Variants in GNAQ observed in about 807,000 individuals in gnomAD.
The protein encoded by GNAQ is guanine nucleotide-binding protein G(q) subunit alpha.
GNAQ carries 8 observed loss-of-function variants against 43.9 expected under a neutral mutation model. The observed-to-expected ratio is 0.18, with a 90% CI of 0.11 to 0.33. GNAQ has a LOEUF of 0.33. GNAQ is among the 10% of genes least tolerant of loss of function. The probability of loss-of-function intolerance (pLI) is 1.00; values close to 1 mark genes in which losing one functional copy is unlikely to be tolerated. For missense variants in GNAQ, 158 were observed against 450.8 expected, an observed-to-expected ratio of 0.35 and a Z score of 5.88; for synonymous variants, 155 against 170.7, an observed-to-expected ratio of 0.91 and a Z score of 0.71.
chr9:77,982,674 T>C (rs1823382324), intron 1 of GNAQ, among the ~76,000 whole-genome samples: 1 of 150,800 alleles, frequency 6.6e-6, no homozygotes, highest in East Asian at 2.0e-4. Flanking sequence ...TGCACAGTAG[T>C]GAAAGATGCA....
At chr9:77,968,847 T>C (rs1347924268) in intron 1 of GNAQ, among the ~76,000 whole-genome samples, 1 of 152,184 alleles carries the variant, frequency 6.6e-6, no homozygotes, top group African/African-American at 2.4e-5. Context: ...CCCCTAAGTA[T>C]GGGGATTTTA....
intron 1 of GNAQ, among the ~76,000 whole-genome samples, chr9:77,977,961 C>A (rs1823324837): frequency 6.6e-6 from 1 of 152,286 alleles, no homozygotes; most frequent in South Asian, 2.1e-4. Context: ...CTAGTAATAA[C>A]AGTAATGTCA....
At chr9:77,862,239 A>G (rs1827866644) in intron 2 of GNAQ, among the ~76,000 whole-genome samples, 1 of 151,932 alleles carries the variant, frequency 6.6e-6, no homozygotes, top group South Asian at 2.1e-4. Flanking sequence ...CAGCTCCACT[A>G]GGCAATGCCC....
chr9:77,889,503 C>T (rs1828367497), intron 2 of GNAQ, among the ~76,000 whole-genome samples: 1 of 135,978 alleles, frequency 7.4e-6, no homozygotes, highest in Non-Finnish European at 1.5e-5. Context: ...TGATCTGTTT[C>T]TAGCATCTTG....
intron 5 of GNAQ, among the ~76,000 whole-genome samples, chr9:77,753,212 G>A (rs1302067177): frequency 1.3e-5 from 2 of 152,012 alleles, no homozygotes; most frequent in Non-Finnish European, 2.9e-5. Context: ...CATACCCGAG[G>A]CACATGTTCT....
At chr9:77,728,453 C>T (rs1446862362) in intron 6 of GNAQ, 61 bp downstream of exon 6, 4 of 1,200,732 alleles carry the variant, frequency 3.3e-6, no homozygotes, top group Non-Finnish European at 5.0e-6. Context: ...AACTCCCACA[C>T]TGGGGTTTGG....
intron 5 of GNAQ, among the ~76,000 whole-genome samples, chr9:77,763,536 G>C (rs1826088884): frequency 6.6e-6 from 1 of 152,208 alleles, no homozygotes; most frequent in Non-Finnish European, 1.5e-5. Context: ...GTGAGACAAA[G>C]ATCTTGCCAT....
chr9:77,978,978 A>C (rs769494332), intron 1 of GNAQ, among the ~76,000 whole-genome samples: 1 of 152,068 alleles, frequency 6.6e-6, no homozygotes, highest in Non-Finnish European at 1.5e-5. Flanking sequence ...ATCGCTTGAA[A>C]CTGGGAGGCA....
chr9:77,938,724 C>T (rs1428298026), intron 1 of GNAQ, among the ~76,000 whole-genome samples: 1 of 152,132 alleles, frequency 6.6e-6, no homozygotes, highest in Non-Finnish European at 1.5e-5. Flanking sequence ...AGAAGGAAAA[C>T]TGGTGAAGTG....
At chr9:77,745,921 A>G (rs1296998189) in intron 5 of GNAQ, among the ~76,000 whole-genome samples, 3 of 150,568 alleles carry the variant, frequency 2.0e-5, no homozygotes, top group South Asian at 2.1e-4. Flanking sequence ...CTGGGGGTGG[A>G]AGAAGAAGAA....
chr9:77,747,460 C>T (rs778252488), intron 5 of GNAQ, among the ~76,000 whole-genome samples: 2 of 152,172 alleles, frequency 1.3e-5, no homozygotes, highest in Non-Finnish European at 2.9e-5. Flanking sequence ...GGGAAGACTA[C>T]TCTAATGAGA....
intron 1 of GNAQ, among the ~76,000 whole-genome samples, chr9:78,021,993 C>T (rs1205078804): frequency 3.9e-5 from 6 of 152,154 alleles, no homozygotes; most frequent in Non-Finnish European, 8.8e-5. Flanking sequence ...TTTCTGATAC[C>T]ATTTCTTGTG....
intron 3 of GNAQ, among the ~76,000 whole-genome samples, chr9:77,802,252 C>A (rs1012099255): frequency 4.6e-5 from 7 of 152,028 alleles, no homozygotes; most frequent in African/African-American, 1.7e-4. Context: ...CCCGCATAAC[C>A]CCCAATCCCA....
intron 1 of GNAQ, among the ~76,000 whole-genome samples, chr9:77,940,227 A>G (rs1829294563): frequency 6.6e-6 from 1 of 152,182 alleles, no homozygotes; most frequent in Non-Finnish European, 1.5e-5. Flanking sequence ...AATATCCCTT[A>G]TAGTGCATAT....
chr9:77,996,661 G>C (rs1485427972), intron 1 of GNAQ, among the ~76,000 whole-genome samples: 5 of 122,158 alleles, frequency 4.1e-5, no homozygotes, highest in Non-Finnish European at 8.0e-5. Context: ...CCGGACAACA[G>C]AGCGAGACTC....
chr9:77,837,146 T>C (rs1827401869), intron 2 of GNAQ, among the ~76,000 whole-genome samples: 1 of 152,184 alleles, frequency 6.6e-6, no homozygotes, highest in African/African-American at 2.4e-5. Flanking sequence ...AACATATATA[T>C]ATTTACATGG....
At chr9:77,786,146 G>A (rs1826473056) in intron 5 of GNAQ, among the ~76,000 whole-genome samples, 1 of 152,104 alleles carries the variant, frequency 6.6e-6, no homozygotes, top group African/African-American at 2.4e-5. Context: ...GGGAGGCTGA[G>A]GCGGGCAGAT....
At chr9:77,999,272 A>T (rs537256591) in intron 1 of GNAQ, among the ~76,000 whole-genome samples, 6 of 152,288 alleles carry the variant, frequency 3.9e-5, no homozygotes, top group African/African-American at 1.4e-4. Flanking sequence ...TAGTCATCTA[A>T]CAAAAGAATT....
At chr9:77,869,576 A>C (rs1340642413) in intron 2 of GNAQ, among the ~76,000 whole-genome samples, 1 of 152,188 alleles carries the variant, frequency 6.6e-6, no homozygotes, top group East Asian at 1.9e-4. Context: ...ACCTTCCTAA[A>C]TACTACTCTA....
Sources: allele counts gnomAD v4.1 joint callset (sites outside exome capture counted in the v4.1 genomes callset), GRCh38; gene constraint gnomAD v4.1.1; transcripts MANE v1.5; gene names NCBI Gene and HGNC (gene_info 2026-07-23, HGNC 2026-07-21).